B3GAT1: variants seen among roughly 807,000 people sequenced by gnomAD.
B3GAT1 encodes beta-1,3-glucuronyltransferase 1, also known as galactosylgalactosylxylosylprotein 3-beta-glucuronosyltransferase 1.
B3GAT1 carries 11 observed loss-of-function variants against 28.4 expected under a neutral mutation model. The ratio of observed to expected loss-of-function variants is 0.39; its 90% CI spans 0.24 to 0.64. The LOEUF (loss-of-function observed/expected upper bound fraction) is 0.64, where lower values mean the gene tolerates loss of function less well. B3GAT1 is among the 30% of genes least tolerant of loss of function. The probability of loss-of-function intolerance (pLI) is 0.50; values close to 1 mark genes in which losing one functional copy is unlikely to be tolerated. For synonymous variants in B3GAT1, 255 were observed against 223.1 expected (o/e 1.14, Z -1.27); for missense variants, 375 against 491.0 (o/e 0.76, Z 2.23).
intron 1 of B3GAT1, among the ~76,000 whole-genome samples, chr11:134,405,997 G>T (rs193053721): frequency 6.6e-6 from 1 of 152,234 alleles, no homozygotes; most frequent in Non-Finnish European, 1.5e-5. Context: ...GTGAGGAAAC[G>T]CTCATGCAGC....
chr11:134,394,065 C>T (rs568341344), intron 1 of B3GAT1, among the ~76,000 whole-genome samples: 6 of 152,212 alleles, frequency 3.9e-5, no homozygotes, highest in African/African-American at 7.2e-5. Flanking sequence ...CACCGCCTCC[C>T]GGGCCCACCA....
Position 134,411,489 on chromosome 11 carries a change from G to A in B3GAT1, c.-282+318C>T, listed in dbSNP as rs1419609262. Among the ~76,000 whole-genome samples, 1 of 152,110 alleles carries A rather than the reference G, an allele frequency of 6.6e-6. No individual in the cohort carries two copies. The highest frequency in any genetic ancestry group is 6.5e-5 in the Admixed American group (1 of 15,284). ...CAGAAACCACCTGCTGAGGGGGCCG[G>A]GAACTGACGACTGAGAGCCCGGGCC... On this transcript the variant is annotated intron_variant, in intron 1 of 5. Transcript: ENST00000312527. The surrounding 1 kb of genome is among the most constrained non-coding windows in gnomAD (Gnocchi z 6.0).
At position 134,404,016 on chromosome 11, in the gene B3GAT1, TA is replaced by T. The variant is rs1565459382; in HGVS notation, c.-282+7790del. ...ATATATATATATATATATATATATA[TA>T]TATATATATATATTTATTATACGTT... On this transcript the variant is annotated intron_variant, in intron 1 of 5. Transcript: ENST00000312527. Among the ~76,000 whole-genome samples, 154 of 125,300 alleles carry T rather than the reference TA, an allele frequency of 1.2e-3. 2 individuals carry two copies. The Middle Eastern group carries it at 0.016, about 13-fold the overall frequency. 82.2% of individuals were successfully genotyped at this position (125,300 alleles called of 152,430 possible). A position where few individuals can be genotyped will look rare whatever the true frequency, so the allele number is the denominator to read the frequency against.
At chr11:134,402,052 T>C (rs1220779197) in intron 1 of B3GAT1, among the ~76,000 whole-genome samples, 2 of 151,798 alleles carry the variant, frequency 1.3e-5, no homozygotes, top group East Asian at 3.9e-4. Flanking sequence ...CCTCTGTTCC[T>C]GCTTGGAGGA....
intron 1 of B3GAT1, among the ~76,000 whole-genome samples, chr11:134,402,387 A>C (rs1433861252): frequency 2.6e-5 from 4 of 152,122 alleles, no homozygotes; most frequent in African/African-American, 9.7e-5. Flanking sequence ...CAGAGCTGTC[A>C]GAGAACTGAC....
intron 1 of B3GAT1, among the ~76,000 whole-genome samples, chr11:134,401,474 C>T (rs1276066669): frequency 6.6e-6 from 1 of 152,012 alleles, no homozygotes; most frequent in African/African-American, 2.4e-5. Flanking sequence ...AGTGAAGTAA[C>T]ACAGGAACAG....
Position 134,412,119 on chromosome 11 carries a change from G to T in B3GAT1, c.-594C>A, listed in dbSNP as rs897247186. ...GGGGGGCGGGGAGGGGGAGCGGGGA[G>T]GGGGAGCGGGGAGCGGGCGCGGGGG... On this transcript the variant is annotated 5_prime_UTR_variant, in exon 1 of 6. Coordinates refer to ENST00000312527, the MANE Select transcript of B3GAT1 (RefSeq NM_054025.3). 7.1e-6 allele frequency among the ~76,000 whole-genome samples: 1 copy of T among 140,798 alleles called. No individual in the cohort carries two copies. Among genetic ancestry groups the T allele is most frequent in the African/African-American group, 2.5e-5 (1 of 39,302 alleles). The allele number at this position is 140,798 out of a possible 152,430, so 92.4% of individuals were successfully genotyped here.
chr11:134,385,045 T>C (rs1368220094), intron 2 of B3GAT1: 2 of 152,266 alleles, frequency 1.3e-5, no homozygotes, highest in Non-Finnish European at 2.9e-5. Context: ...CTTCTGCCGT[T>C]ACGAACCCTG....
At chr11:134,401,412 AAAT>A (rs1432280280) in intron 1 of B3GAT1, among the ~76,000 whole-genome samples, 30 of 152,378 alleles carry the variant, frequency 2.0e-4, no homozygotes, top group African/African-American at 6.7e-4. Flanking sequence ...AAGAAGAATT[AAAT>A]AATGCTTTTT....
At position 134,404,027 on chromosome 11, in the gene B3GAT1, A is replaced by ATATATATT. The variant is rs1555098477; in HGVS notation, c.-282+7779_-282+7780insAATATATA. ...TATATATATATATATATATATATATATATTTATTATACGTTAAGTTCTAGG... is the reference window on the plus strand; with the variant it reads ...TATATATATATATATATATATATATATATATATTTATTTATTATACGTTAAGTTCTAGG... On this transcript the variant is annotated intron_variant, in intron 1 of 5. Coordinates refer to ENST00000312527, the MANE Select transcript of B3GAT1 (RefSeq NM_054025.3). Among the ~76,000 whole-genome samples, 165 of 106,732 alleles carry ATATATATT rather than the reference A, an allele frequency of 1.5e-3. 2 individuals are homozygous for ATATATATT. Among genetic ancestry groups the ATATATATT allele is most frequent in the Non-Finnish European group, 2.3e-3 (120 of 52,922 alleles). 70.0% of individuals were successfully genotyped at this position (106,732 alleles called of 152,430 possible).
intron 1 of B3GAT1, chr11:134,392,241 G>C (rs1944424966): frequency 6.6e-6 from 1 of 151,712 alleles, no homozygotes; most frequent in Non-Finnish European, 1.5e-5. Flanking sequence ...ACTGAGTCCT[G>C]ACTTAAGGGC....
intron 1 of B3GAT1, chr11:134,388,651 T>G (rs1944347557): frequency 6.6e-6 from 1 of 152,264 alleles, no homozygotes; most frequent in Admixed American, 6.5e-5. Context: ...CTTCTCATGT[T>G]TACAGTCATG....
chr11:134,397,645 A>C (rs1026572919), intron 1 of B3GAT1, among the ~76,000 whole-genome samples: 2 of 152,084 alleles, frequency 1.3e-5, no homozygotes, highest in African/African-American at 4.8e-5. Context: ...ATTCCCACCC[A>C]GAGCCGCGGG....
intron 1 of B3GAT1, among the ~76,000 whole-genome samples, chr11:134,403,988 T>A (rs893924345): frequency 6.5e-5 from 2 of 30,582 alleles, no homozygotes; most frequent in East Asian, 1.6e-3. Context: ...TTTCTTTATA[T>A]ATATATATAT....
intron 1 of B3GAT1, among the ~76,000 whole-genome samples, chr11:134,404,674 G>A (rs1038265953): frequency 1.3e-5 from 2 of 152,268 alleles, no homozygotes; most frequent in East Asian, 1.9e-4. Flanking sequence ...CTCCAGGTAC[G>A]CCACTCGGAA....
intron 1 of B3GAT1, among the ~76,000 whole-genome samples, chr11:134,398,581 T>G (rs1240074833): frequency 6.6e-6 from 1 of 152,196 alleles, no homozygotes; most frequent in African/African-American, 2.4e-5. Context: ...AACTGAGGCA[T>G]GAGGGGGTTG....
In B3GAT1 at chr11:134,409,518, C is replaced by A. The variant is rs576065000; in HGVS notation, c.-282+2289G>T. Among the ~76,000 whole-genome samples the A allele has an allele frequency of 3.9e-5, 6 of 152,340 alleles. No homozygotes were observed. In the East Asian group the frequency reaches 1.2e-3, roughly 29 times the overall value. ...CCCTGCAAGCTCTTGATGTGCTTGA[C>A]CTCATAGCCTGGCCTCCCTCTGCCT... On this transcript the variant is annotated intron_variant, in intron 1 of 5. Transcript: ENST00000312527.
At chr11:134,391,882 C>T (rs539250531) in intron 1 of B3GAT1, 1 of 152,518 alleles carries the variant, frequency 6.6e-6, no homozygotes, top group East Asian at 1.9e-4. Context: ...AAGCACTTCC[C>T]TGTGGGAGAG....
At chr11:134,408,476 G>T (rs1328639407) in intron 1 of B3GAT1, among the ~76,000 whole-genome samples, 3 of 87,740 alleles carry the variant, frequency 3.4e-5, no homozygotes, top group South Asian at 5.3e-4. Context: ...AGCCTGCACC[G>T]ATTCCAGTGG....
Sources: gnomAD v4.1 joint callset for allele counts (sites outside exome capture counted in the v4.1 genomes callset) on GRCh38, gnomAD v4.1.1 for gene constraint, Gnocchi (gnomAD v3.1) non-coding constraint, MANE v1.5 for transcripts, NCBI Gene and HGNC (gene_info 2026-07-23, HGNC 2026-07-21) for gene names.